The following CTNND2 variants were observed in gnomAD, a reference collection of about 807,000 sequenced individuals.
CTNND2 encodes the protein catenin delta-2.
CTNND2 carries 22 observed loss-of-function variants against 144.4 expected under a neutral mutation model. The ratio of observed to expected loss-of-function variants is 0.15; its 90% CI spans 0.11 to 0.22. The LOEUF (loss-of-function observed/expected upper bound fraction) is 0.22, where lower values mean the gene tolerates loss of function less well. CTNND2 is among the 10% of genes least tolerant of loss of function. The pLI, the probability that CTNND2 is intolerant of heterozygous loss-of-function variation, is 1.00. For missense variants in CTNND2, 1,353 were observed against 1,618.8 expected, an observed-to-expected ratio of 0.84 and a Z score of 2.82; for synonymous variants, 751 against 695.6, an observed-to-expected ratio of 1.08 and a Z score of -1.25.
At chr5:11,703,341 G>A (rs752899640) in intron 2 of CTNND2, among the ~76,000 whole-genome samples, 1 of 152,160 alleles carries the variant, frequency 6.6e-6, no homozygotes, top group Non-Finnish European at 1.5e-5. Context: ...GATCTATTTG[G>A]TGGATTATTC....
At chr5:10,985,205 C>T (rs1737791307) in intron 20 of CTNND2, among the ~76,000 whole-genome samples, 1 of 152,122 alleles carries the variant, frequency 6.6e-6, no homozygotes, top group East Asian at 1.9e-4. Flanking sequence ...AAGGGAAAAC[C>T]TCCAGGTGAA....
intron 12 of CTNND2, 132 bp from the exon 13 acceptor site, chr5:11,117,699 A>G (rs1753705057): frequency 2.9e-6 from 2 of 701,306 alleles, no homozygotes. Flanking sequence ...TATCAAGAAT[A>G]TATCTTTAAT....
chr5:11,087,746 T>G (rs906442450), intron 15 of CTNND2, among the ~76,000 whole-genome samples: 4 of 152,224 alleles, frequency 2.6e-5, no homozygotes, highest in Non-Finnish European at 5.9e-5. Flanking sequence ...ATTGCATGTT[T>G]AGTGTTTTTT....
intron 2 of CTNND2, among the ~76,000 whole-genome samples, chr5:11,580,424 G>T (rs1778335525): frequency 6.6e-6 from 1 of 152,098 alleles, no homozygotes; most frequent in African/African-American, 2.4e-5. Flanking sequence ...ATTCACTTGG[G>T]CAGTGTTTTC....
chr5:11,226,487 G>A (rs1239320435), intron 10 of CTNND2, among the ~76,000 whole-genome samples: 4 of 152,286 alleles, frequency 2.6e-5, no homozygotes, highest in South Asian at 2.1e-4. Context: ...AAAGGAAAGA[G>A]GTTTAATTGA....
At chr5:11,662,549 G>A (rs546811165) in intron 2 of CTNND2, among the ~76,000 whole-genome samples, 1 of 151,962 alleles carries the variant, frequency 6.6e-6, no homozygotes, top group South Asian at 2.1e-4. Flanking sequence ...CTGATAAAAT[G>A]GTGTCCACCC....
intron 9 of CTNND2, among the ~76,000 whole-genome samples, chr5:11,317,071 C>T (rs1296459953): frequency 6.6e-6 from 1 of 152,142 alleles, no homozygotes; most frequent in Non-Finnish European, 1.5e-5. Context: ...TGAAAAAATG[C>T]TCATCATCAC....
chr5:11,432,133 T>TTTA (rs1561384513), intron 3 of CTNND2, among the ~76,000 whole-genome samples: 12 of 150,788 alleles, frequency 8.0e-5, no homozygotes, highest in African/African-American at 2.9e-4. Context: ...TTTTTTTTTT[T>TTTA]TTTTTTTTAA....
intron 2 of CTNND2, among the ~76,000 whole-genome samples, chr5:11,630,820 G>C (rs1371909765): frequency 1.3e-5 from 2 of 152,020 alleles, no homozygotes; most frequent in East Asian, 3.9e-4. Flanking sequence ...CAGGCGTGGT[G>C]GTGGGTGTCT....
At position 11,659,165 on chromosome 5, in the gene CTNND2, G is replaced by A. The variant is rs535174787; in HGVS notation, c.174+72971C>T. On this transcript the variant is annotated intron_variant, in intron 2 of 21. Transcript: ENST00000304623. ...AAATAAAACAATACAAATAATACAA[G>A]TAAGAAACAATACATTATAACAACT... Among the ~76,000 whole-genome samples, 35 of 152,140 alleles carry A rather than the reference G, an allele frequency of 2.3e-4. No homozygotes were observed. In the South Asian group the frequency reaches 6.4e-3, roughly 28 times the overall value.
intron 3 of CTNND2, among the ~76,000 whole-genome samples, chr5:11,558,283 A>G (rs1481288050): frequency 6.6e-6 from 1 of 152,054 alleles, no homozygotes; most frequent in East Asian, 1.9e-4. Context: ...CTCACAGTCA[A>G]GGGAAAGAGA....
At chr5:11,570,709 C>G (rs1157856682) in intron 2 of CTNND2, among the ~76,000 whole-genome samples, 3 of 151,602 alleles carry the variant, frequency 2.0e-5, no homozygotes, top group Non-Finnish European at 2.9e-5. Context: ...GGTGACATAT[C>G]TTGATATACC....
chr5:11,240,617 A>C (rs1286803974), intron 9 of CTNND2, among the ~76,000 whole-genome samples: 1 of 129,298 alleles, frequency 7.7e-6, no homozygotes, highest in Non-Finnish European at 1.6e-5. Context: ...CACACACCCC[A>C]ACACAGACGT....
At position 11,336,824 on chromosome 5, in the gene CTNND2, A is replaced by G. The variant is rs535272496; in HGVS notation, c.1628+9548T>C. On this transcript the variant is annotated intron_variant, in intron 9 of 21. Coordinates refer to ENST00000304623, the MANE Select transcript of CTNND2 (RefSeq NM_001332.4). Reference sequence around the variant, plus strand: ...ACATACAAATGCTCATATCACACAAATACACTCATAATCTATATGGCACAA... The same window carrying G: ...ACATACAAATGCTCATATCACACAAGTACACTCATAATCTATATGGCACAA... Among the ~76,000 whole-genome samples, 13 of 152,304 alleles carry G rather than the reference A, an allele frequency of 8.5e-5. No homozygotes were observed. In the East Asian group the frequency reaches 2.5e-3, roughly 29 times the overall value.
At chr5:11,211,379 A>C (rs1738616392) in intron 10 of CTNND2, among the ~76,000 whole-genome samples, 1 of 152,200 alleles carries the variant, frequency 6.6e-6, no homozygotes, top group Non-Finnish European at 1.5e-5. Context: ...GTGCCATGTG[A>C]GGACAGACTG....
At chr5:11,092,082 T>C (rs986096012) in intron 15 of CTNND2, among the ~76,000 whole-genome samples, 1 of 152,176 alleles carries the variant, frequency 6.6e-6, no homozygotes. Flanking sequence ...TTGGAAACTC[T>C]CTCTCAAGGT....
intron 9 of CTNND2, among the ~76,000 whole-genome samples, chr5:11,296,916 T>C (rs912101316): frequency 2.6e-5 from 4 of 152,196 alleles, no homozygotes; most frequent in African/African-American, 9.7e-5. Context: ...CACACCAACA[T>C]GGCACGTGTA....
chr5:11,293,441 T>C (rs751186176), intron 9 of CTNND2, among the ~76,000 whole-genome samples: 2 of 152,196 alleles, frequency 1.3e-5, no homozygotes, highest in Non-Finnish European at 2.9e-5. Flanking sequence ...TTATCTAATT[T>C]ATCAGATGTG....
intron 5 of CTNND2, 71 bp from the exon 6 acceptor site, chr5:11,397,274 G>C: frequency 1.5e-6 from 2 of 1,358,682 alleles, no homozygotes; most frequent in Non-Finnish European, 2.0e-6. Context: ...ATTATTTATT[G>C]AGAGTAGCCT....
Sources: allele counts gnomAD v4.1 joint callset (sites outside exome capture counted in the v4.1 genomes callset), GRCh38; gene constraint gnomAD v4.1.1; transcripts MANE v1.5; gene names NCBI Gene and HGNC (gene_info 2026-07-23, HGNC 2026-07-21).